NMNAT1: variants seen among roughly 807,000 people sequenced by gnomAD.
NMNAT1 encodes nicotinamide nucleotide adenylyltransferase 1, also known as nicotinamide/nicotinic acid mononucleotide adenylyltransferase 1.
Under a neutral mutation model 16.7 loss-of-function variants are expected in NMNAT1, and 11 were observed. The observed-to-expected ratio is 0.66, with a 90% confidence interval of 0.41 to 1.09. The LOEUF (loss-of-function observed/expected upper bound fraction) is 1.09. Among genes scored for constraint, NMNAT1 ranks in the 50% least tolerant of loss-of-function variants. NMNAT1 has a pLI of 0.00. For synonymous variants in NMNAT1, 110 were observed against 119.8 expected, an observed-to-expected ratio of 0.92 and a Z score of 0.53; for missense variants, 280 against 332.3, an observed-to-expected ratio of 0.84 and a Z score of 1.22.
chr1:9,980,900 C>T, intron 3 of NMNAT1, 131 bp from the exon 4 acceptor site: 1 of 889,924 alleles, frequency 1.1e-6, no homozygotes, highest in Non-Finnish European at 1.6e-6. Flanking sequence ...TCGTGATCCG[C>T]CCACCTCGGC....
intron 2 of NMNAT1, among the ~76,000 whole-genome samples, chr1:9,974,046 C>G (rs1438701950): frequency 6.6e-6 from 1 of 152,070 alleles, no homozygotes; most frequent in Admixed American, 6.6e-5. Context: ...CCATGTTGAC[C>G]AGGCTGCTCT....
intron 4 of NMNAT1, 34 bp from the exon 5 acceptor site, chr1:9,982,267 A>C: frequency 1.3e-6 from 2 of 1,560,332 alleles, no homozygotes; most frequent in Non-Finnish European, 1.7e-6. Context: ...GGGAAGAAAA[A>C]GCATACCCCA....
Position 9,982,408 on chromosome 1 carries a change from C to T in NMNAT1, c.547C>T (p.Leu183Phe), listed in dbSNP as rs1337014971. 2 of 1,613,924 alleles carry T rather than the reference C, an allele frequency of 1.2e-6. No homozygotes were observed. The highest frequency in any genetic ancestry group is 1.3e-5 in the African/African-American group (1 of 74,888). Residue 183 changes from leucine (L) to phenylalanine (F), a missense_variant, in exon 5 of 5, where the codon CTC (leucine) becomes TTC (phenylalanine). Physicochemically the swap from Leu to Phe is conservative, Grantham distance 22. Coordinates refer to ENST00000377205, the MANE Select transcript of NMNAT1 (RefSeq NM_022787.4). ...DITQIVANYG[L>F]ICVTRAGNDA... is the part of the protein sequence containing the mutation. ...CACCCAAATCGTGGCCAACTATGGG[C>T]TCATATGTGTTACTCGGGCTGGAAA...
intron 1 of NMNAT1, among the ~76,000 whole-genome samples, chr1:9,955,145 G>A (rs1641223403): frequency 6.6e-6 from 1 of 152,010 alleles, no homozygotes; most frequent in South Asian, 2.1e-4. Flanking sequence ...GCTCACGCCT[G>A]TAATCCCAGC....
chr1:9,964,538 C>G (rs1049945463), intron 1 of NMNAT1, among the ~76,000 whole-genome samples: 22 of 151,162 alleles, frequency 1.5e-4, no homozygotes, highest in African/African-American at 5.3e-4. Flanking sequence ...AGAACAAGAC[C>G]CCGTCTCAAA....
At chr1:9,976,854 T>TG (rs1273298251) in intron 3 of NMNAT1, among the ~76,000 whole-genome samples, 4 of 151,874 alleles carry the variant, frequency 2.6e-5, no homozygotes, top group South Asian at 2.1e-4. Context: ...CTTGAACTTC[T>TG]GACCTCAGGT....
At chr1:9,942,980 C>T (rs1000131011), upstream of NMNAT1, 10 of 350,680 alleles carry the variant, frequency 2.9e-5, no homozygotes, top group Non-Finnish European at 5.6e-5. Context: ...ATCCCGCATC[C>T]GGACACGCCT....
chr1:9,980,933 G>A (rs1300034422), intron 3 of NMNAT1, 98 bp from the exon 4 acceptor site: 1 of 1,352,312 alleles, frequency 7.4e-7, no homozygotes, highest in African/African-American at 1.5e-5. Context: ...TGGGATTACA[G>A]GTGTGAGCCA....
Position 9,971,970 on chromosome 1 carries a change from A to G in NMNAT1, c.-56-48A>G, listed in dbSNP as rs1641698824. On this transcript the variant is annotated intron_variant, in intron 1 of 4. Transcript: ENST00000377205. ...GGGTGGCAGAGCAAGACCTTATCTT[A>G]GGGAAAAAAAAATGCATAACTGAAT... 10 of 719,812 alleles carry G rather than the reference A, an allele frequency of 1.4e-5. No individual in the cohort carries two copies. The South Asian group carries it at 1.6e-4, about 12-fold the overall frequency. 44.6% of individuals were successfully genotyped at this position (719,812 alleles called of 1,614,324 possible).
At chr1:9,987,286 A>G (rs578159590), downstream of NMNAT1, among the ~76,000 whole-genome samples, 1 of 152,210 alleles carries the variant, frequency 6.6e-6, no homozygotes, top group Admixed American at 6.5e-5. Flanking sequence ...AGACAGGAGG[A>G]GCACTTGAGC....
chr1:9,964,817 G>A (rs181662576), intron 1 of NMNAT1, among the ~76,000 whole-genome samples: 26 of 150,038 alleles, frequency 1.7e-4, no homozygotes, highest in African/African-American at 6.1e-4. Context: ...GCATGGTGAC[G>A]CACACCTGTA....
At chr1:9,947,874 T>G (rs1641014854) in intron 1 of NMNAT1, among the ~76,000 whole-genome samples, 1 of 152,170 alleles carries the variant, frequency 6.6e-6, no homozygotes, top group Non-Finnish European at 1.5e-5. Flanking sequence ...TCTCCCTACA[T>G]TCTGTTTTCA....
the NMNAT1 span, among the ~76,000 whole-genome samples, chr1:9,991,450 G>A: frequency 1.1e-4 from 17 of 152,220 alleles, no homozygotes; most frequent in East Asian, 2.5e-3. Flanking sequence ...GATTACAGGC[G>A]TGAGCCACCG....
rs987190845 is a variant in NMNAT1, at chr1:9,985,193, G to C, written c.*2492G>C. 1 of 152,146 alleles carries C rather than the reference G, an allele frequency of 6.6e-6. No individual in the cohort carries two copies. The highest frequency in any genetic ancestry group is 2.4e-5 in the African/African-American group (1 of 41,438). 9.4% of individuals were successfully genotyped at this position (152,146 alleles called of 1,614,324 possible). ...ACTCAGCTGTGAGGCTGCGTACACA[G>C]TCTCCACCTCTGAAATCTGAACTTC... is the stretch of plus-strand genomic sequence containing the variant. On this transcript the variant is annotated 3_prime_UTR_variant, in exon 5 of 5. Transcript: ENST00000377205.
chr1:9,980,056 C>T (rs1047752020), intron 3 of NMNAT1, among the ~76,000 whole-genome samples: 9 of 151,372 alleles, frequency 5.9e-5, no homozygotes, highest in East Asian at 4.1e-4. Context: ...CTCAGCCTCC[C>T]GAGTAGCTGG....
upstream of NMNAT1, chr1:9,943,171 G>A (rs7535945): frequency 0.089 from 15,579 of 175,184 alleles, 987 homozygotes; most frequent in East Asian, 0.21. Context: ...GTCCCGCGGC[G>A]GCCGGGCTCC....
chr1:9,964,884 G>T (rs1355708590), intron 1 of NMNAT1, among the ~76,000 whole-genome samples: 1 of 139,764 alleles, frequency 7.2e-6, no homozygotes, highest in Non-Finnish European at 1.5e-5. Context: ...GGAGGTAGAG[G>T]TTGCAGTGAG....
downstream of NMNAT1, among the ~76,000 whole-genome samples, chr1:9,989,547 T>C (rs1449875441): frequency 2.6e-5 from 4 of 151,988 alleles, no homozygotes; most frequent in Non-Finnish European, 5.9e-5. Context: ...GTGGCTTGAC[T>C]TCAGAGGGAC....
At chr1:9,994,768 C>A in the NMNAT1 span, among the ~76,000 whole-genome samples, 1 of 151,454 alleles carries the variant, frequency 6.6e-6, no homozygotes. Flanking sequence ...CCCGCCACCA[C>A]GCCCGGCTAA....
Sources: allele counts gnomAD v4.1 joint callset (sites outside exome capture counted in the v4.1 genomes callset), GRCh38; gene constraint gnomAD v4.1.1; transcripts MANE v1.5; gene names NCBI Gene and HGNC (gene_info 2026-07-23, HGNC 2026-07-21).